The following PPP4R3B variants were observed in gnomAD, a reference collection of about 807,000 sequenced individuals.
PPP4R3B encodes serine/threonine-protein phosphatase 4 regulatory subunit 3B.
In PPP4R3B, 52 loss-of-function variants were observed where a neutral mutation model predicts 95.4. That is an observed-to-expected ratio of 0.54 (90% CI 0.44 to 0.69). PPP4R3B has a LOEUF of 0.69. PPP4R3B is among the 30% of genes least tolerant of loss of function. PPP4R3B has a pLI of 0.00. For missense variants in PPP4R3B, 1,003 were observed against 1,005.9 expected (o/e 1.00, Z 0.04); for synonymous variants, 407 against 343.9 (o/e 1.18, Z -2.03).
In PPP4R3B at chr2:55,581,592, G is replaced by T. The variant is rs1362873690; in HGVS notation, c.1340C>A (p.Pro447Gln). 6.2e-7 allele frequency: 1 copy of T among 1,612,952 alleles called. No homozygotes were observed. Among genetic ancestry groups the T allele is most frequent in the Non-Finnish European group, 8.5e-7 (1 of 1,179,490 alleles). Reference protein sequence around the residue: ...LMGLLRTLIDPENMLATTNKT... With the variant: ...LMGLLRTLIDQENMLATTNKT... ...ATTAGTTGTAGCCAGCATGTTCTCT[G>T]GATCAATTAGAGTACGAAGAAGTCC... The change falls in exon 8 of 17, where the codon CCA (proline) becomes CAA (glutamine). Residue 447 changes from proline (P) to glutamine (Q), a missense_variant. This residue lies in a region of PPP4R3B where 695 missense variants were observed against 686.2 expected (regional missense o/e 1.01). Coordinates refer to ENST00000616407, the MANE Select transcript of PPP4R3B (RefSeq NM_001122964.3).
Position 55,548,600 on chromosome 2 carries a change from C to G in PPP4R3B, c.*1311G>C, listed in dbSNP as rs1189581315. ...TACAAAATCTCCAAAACAGGGGAAA[C>G]TGCTTTAGATTAAACGATTCCAGGA... On this transcript the variant is annotated 3_prime_UTR_variant, in exon 17 of 17. Coordinates refer to ENST00000616407, the MANE Select transcript of PPP4R3B (RefSeq NM_001122964.3). 1 of 152,556 alleles carries G rather than the reference C, an allele frequency of 6.6e-6. No homozygotes were observed. Among genetic ancestry groups the G allele is most frequent in the African/African-American group, 2.4e-5 (1 of 41,440 alleles). 9.5% of individuals were successfully genotyped at this position (152,556 alleles called of 1,614,324 possible). A position where few individuals can be genotyped will look rare whatever the true frequency, so the allele number is the denominator to read the frequency against.
In PPP4R3B at chr2:55,548,375, T is replaced by G. The variant is rs1684917960; in HGVS notation, c.*1536A>C. The G allele has an allele frequency of 6.6e-6, 1 of 152,636 alleles. No homozygotes were observed. The highest frequency in any genetic ancestry group is 1.5e-5 in the Non-Finnish European group (1 of 68,036). 9.5% of individuals were successfully genotyped at this position (152,636 alleles called of 1,614,324 possible). On this transcript the variant is annotated 3_prime_UTR_variant, in exon 17 of 17. Transcript: ENST00000616407. ...ACAACAAACCAAACACAAACATCAA[T>G]TATGGAATTACAGGGTCACATTTTA...
intron 15 of PPP4R3B, among the ~76,000 whole-genome samples, chr2:55,563,195 C>T (rs1267880912): frequency 6.6e-6 from 1 of 152,178 alleles, no homozygotes; most frequent in Non-Finnish European, 1.5e-5. Context: ...TTTGCTCCGC[C>T]ACGCTGAGGC....
At chr2:55,574,122 G>T (rs370598399) in intron 11 of PPP4R3B, among the ~76,000 whole-genome samples, 1 of 151,158 alleles carries the variant, frequency 6.6e-6, no homozygotes, top group Non-Finnish European at 1.5e-5. Flanking sequence ...CAAACTCCTG[G>T]ACTCAAGCGA....
At position 55,564,639 on chromosome 2, in the gene PPP4R3B, TAGAA is replaced by T. The variant is rs1687055375; in HGVS notation, c.2076-146_2076-143del. On this transcript the variant is annotated intron_variant, in intron 14 of 16. Coordinates refer to ENST00000616407, the MANE Select transcript of PPP4R3B (RefSeq NM_001122964.3). The stretch of plus-strand genomic sequence containing the variant: ...TATATCAAAATAATCTCTGTAATGA[TAGAA>T]GATGTAGCCAGAGAACACTCCAAAA... 4.6e-5 allele frequency: 37 copies of T among 799,000 alleles called. 1 individual carries two copies. In the South Asian group the frequency reaches 7.3e-4, roughly 16 times the overall value. The allele number at this position is 799,000 out of a possible 1,614,324, so 49.5% of individuals were successfully genotyped here.
Position 55,589,045 on chromosome 2 carries a change from T to G in PPP4R3B, c.922-89A>C, listed in dbSNP as rs1401622891. 9 of 808,264 alleles carry G rather than the reference T, an allele frequency of 1.1e-5. No homozygotes were observed. The East Asian group carries it at 2.4e-4, about 22-fold the overall frequency. 50.1% of individuals were successfully genotyped at this position (808,264 alleles called of 1,614,324 possible). A position where few individuals can be genotyped will look rare whatever the true frequency, so the allele number is the denominator to read the frequency against. ...GACTTACACAAATTATAAAAAATAG[T>G]TGACAAGTAGTATTTTCATCATGAA... is the stretch of plus-strand genomic sequence containing the variant. On this transcript the variant is annotated intron_variant, in intron 4 of 16. Coordinates refer to ENST00000616407, the MANE Select transcript of PPP4R3B (RefSeq NM_001122964.3).
At chr2:55,568,505 C>T (rs899554692) in intron 12 of PPP4R3B, 142 bp from the exon 13 acceptor site, 7 of 609,004 alleles carry the variant, frequency 1.1e-5, no homozygotes, top group African/African-American at 1.1e-4. Flanking sequence ...GTAAACTCCT[C>T]TAAAATGAAA....
At chr2:55,566,880 C>A (rs150225936) in intron 13 of PPP4R3B, among the ~76,000 whole-genome samples, 7 of 152,224 alleles carry the variant, frequency 4.6e-5, no homozygotes, top group African/African-American at 1.7e-4. Flanking sequence ...TTAGTGCATG[C>A]CTGTAGTTCC....
At chr2:55,592,869 T>A (rs1259682745) in intron 4 of PPP4R3B, among the ~76,000 whole-genome samples, 2 of 152,194 alleles carry the variant, frequency 1.3e-5, no homozygotes, top group Admixed American at 1.3e-4. Flanking sequence ...CTTTCAAAAA[T>A]TTAATTTCTG....
At chr2:55,592,094 C>A (rs923762823) in intron 4 of PPP4R3B, among the ~76,000 whole-genome samples, 1 of 152,160 alleles carries the variant, frequency 6.6e-6, no homozygotes, top group Non-Finnish European at 1.5e-5. Flanking sequence ...AAACTCTTCT[C>A]TTTGCAGTAA....
intron 13 of PPP4R3B, among the ~76,000 whole-genome samples, chr2:55,567,685 G>A (rs993899612): frequency 2.6e-5 from 4 of 152,032 alleles, no homozygotes; most frequent in Admixed American, 6.6e-5. Context: ...CAAAGTGCTG[G>A]GATTACAGAC....
At position 55,601,295 on chromosome 2, in the gene PPP4R3B, A is replaced by C. The variant is rs114989122; in HGVS notation, c.298-2256T>G. On this transcript the variant is annotated intron_variant, in intron 3 of 16. Coordinates refer to ENST00000616407, the MANE Select transcript of PPP4R3B (RefSeq NM_001122964.3). The stretch of plus-strand genomic sequence containing the variant: ...TCCTCTTAAAACCTGACAAGGTCAA[A>C]TGGGAGCCTGTAAGCTTTGAAGAGT... Among the ~76,000 whole-genome samples, 596 of 152,268 alleles carry C rather than the reference A, an allele frequency of 3.9e-3. 7 individuals are homozygous for C. The highest frequency in any genetic ancestry group is 0.014 in the African/African-American group (584 of 41,562).
At chr2:55,551,724 C>A (rs1373944794) in intron 16 of PPP4R3B, among the ~76,000 whole-genome samples, 1 of 152,014 alleles carries the variant, frequency 6.6e-6, no homozygotes, top group Non-Finnish European at 1.5e-5. Context: ...GCACTCCAGC[C>A]TGGGCAACAA....
At chr2:55,602,830 C>T (rs531371807) in intron 3 of PPP4R3B, among the ~76,000 whole-genome samples, 1 of 152,254 alleles carries the variant, frequency 6.6e-6, no homozygotes, top group Admixed American at 6.5e-5. Flanking sequence ...GTGAGTATAA[C>T]AGCTTTGCTG....
intron 2 of PPP4R3B, among the ~76,000 whole-genome samples, chr2:55,605,892 G>C (rs55800312): frequency 7.3e-6 from 1 of 137,684 alleles, no homozygotes; most frequent in Non-Finnish European, 1.5e-5. Context: ...GCAACAGTGC[G>C]AGACTCCGTC....
chr2:55,585,208 A>G (rs758233635), intron 6 of PPP4R3B, 41 bp from the exon 7 acceptor site: 6 of 1,404,422 alleles, frequency 4.3e-6, no homozygotes, highest in African/African-American at 2.9e-5. Flanking sequence ...ACTGTTAACA[A>G]AAGTTATTCT....
chr2:55,571,977 GTA>G (rs1688063463), intron 12 of PPP4R3B, among the ~76,000 whole-genome samples: 1 of 152,126 alleles, frequency 6.6e-6, no homozygotes. Context: ...TAAAACAAAA[GTA>G]TATATATGTT....
chr2:55,573,591 G>C (rs771021417), intron 12 of PPP4R3B, 28 bp downstream of exon 12: 1 of 1,515,672 alleles, frequency 6.6e-7, no homozygotes, highest in African/African-American at 1.4e-5. Flanking sequence ...TATTAAAAAT[G>C]TTGCTCCTTA....
chr2:55,612,818 C>T (rs997640351), intron 2 of PPP4R3B, among the ~76,000 whole-genome samples: 20 of 152,034 alleles, frequency 1.3e-4, no homozygotes, highest in South Asian at 6.2e-4. Flanking sequence ...TGGTGGCGGG[C>T]GCCTGTAGTC....
Sources: gnomAD v4.1 joint callset for allele counts (sites outside exome capture counted in the v4.1 genomes callset) on GRCh38, gnomAD v4.1.1 for gene constraint, gnomAD v4.1.1 regional missense constraint, MANE v1.5 for transcripts, NCBI Gene and HGNC (gene_info 2026-07-23, HGNC 2026-07-21) for gene names.